CPQ: variants seen among roughly 807,000 people sequenced by gnomAD.
CPQ encodes Ser-Met dipeptidase.
Under a neutral mutation model 45.7 loss-of-function variants are expected in CPQ, and 37 were observed. That is an observed-to-expected ratio of 0.81 (90% confidence interval 0.62 to 1.07). The LOEUF (loss-of-function observed/expected upper bound fraction) is 1.07. Ranked by LOEUF, CPQ falls within the 50% of genes least tolerant of loss-of-function variation. The pLI, the probability that CPQ is intolerant of heterozygous loss-of-function variation, is 0.00. For synonymous variants in CPQ, 186 were observed against 205.8 expected (o/e 0.90, Z 0.82); for missense variants, 537 against 572.9 (o/e 0.94, Z 0.64).
chr8:96,734,205 A>T (rs1192292096), intron 1 of CPQ, among the ~76,000 whole-genome samples: 1 of 152,176 alleles, frequency 6.6e-6, no homozygotes, highest in African/African-American at 2.4e-5. Context: ...TCTTTCACTA[A>T]GTCCTTTCAG....
At chr8:96,894,231 G>C (rs1018455888) in intron 4 of CPQ, among the ~76,000 whole-genome samples, 2 of 152,166 alleles carry the variant, frequency 1.3e-5, no homozygotes, top group Admixed American at 6.5e-5. Flanking sequence ...CCCTAAGCCA[G>C]AACCACCCAG....
At chr8:96,730,895 AT>A (rs34672701) in intron 1 of CPQ, among the ~76,000 whole-genome samples, 26,441 of 119,798 alleles carry the variant, frequency 0.22, 3,886 homozygotes, top group Non-Finnish European at 0.31. Flanking sequence ...ATATATATGC[AT>A]TTTTTTTTAA....
chr8:96,926,840 C>T (rs556726035), intron 4 of CPQ, among the ~76,000 whole-genome samples: 8 of 152,106 alleles, frequency 5.3e-5, no homozygotes, highest in Non-Finnish European at 1.2e-4. Context: ...CCCCAAGCCC[C>T]GGAGAGGCCC....
At chr8:97,122,922 TAAAA>T (rs1811737615) in intron 7 of CPQ, among the ~76,000 whole-genome samples, 15 of 52,776 alleles carry the variant, frequency 2.8e-4, no homozygotes, top group South Asian at 4.9e-4. Flanking sequence ...TAAAATAAAA[TAAAA>T]TAAATAAAAT....
intron 4 of CPQ, among the ~76,000 whole-genome samples, chr8:96,940,890 T>C (rs1813116509): frequency 6.6e-6 from 1 of 152,152 alleles, no homozygotes; most frequent in South Asian, 2.1e-4. Flanking sequence ...TATCAATTAA[T>C]TATACTTAAA....
Position 97,066,047 on chromosome 8 carries a change from C to G in CPQ, c.1092C>G (p.Asp364Glu). The G allele has an allele frequency of 6.2e-7, 1 of 1,611,270 alleles. No homozygotes were observed. The highest frequency in any genetic ancestry group is 8.5e-7 in the Non-Finnish European group (1 of 1,179,266). ...ISNYSLVMESDAGTFLPTGLQ... is the reference protein window; with the variant it reads ...ISNYSLVMESEAGTFLPTGLQ... ...ACTACAGTCTGGTGATGGAGTCTGACGCAGGAACCTTCTTACCCACTGGGC... is the reference window on the plus strand; with the variant it reads ...ACTACAGTCTGGTGATGGAGTCTGAGGCAGGAACCTTCTTACCCACTGGGC... The change falls in exon 7 of 8, where the codon GAC (aspartate) becomes GAG (glutamate). Residue 364 changes from aspartate to glutamate, a missense_variant. By Grantham distance (45) the Asp-to-Glu change is conservative. Coordinates refer to ENST00000220763, the MANE Select transcript of CPQ (RefSeq NM_016134.4).
chr8:96,954,618 T>C (rs1201274267), intron 4 of CPQ, among the ~76,000 whole-genome samples: 1 of 152,170 alleles, frequency 6.6e-6, no homozygotes, highest in Non-Finnish European at 1.5e-5. Context: ...TATTATACTT[T>C]AAGTTTTAGG....
intron 4 of CPQ, among the ~76,000 whole-genome samples, chr8:96,930,989 G>T (rs1812966271): frequency 6.6e-6 from 1 of 152,186 alleles, no homozygotes; most frequent in African/African-American, 2.4e-5. Context: ...AAAACAGAGG[G>T]TTGGGAGGAA....
At chr8:96,726,502 T>C (rs374473172) in intron 1 of CPQ, among the ~76,000 whole-genome samples, 117 of 152,042 alleles carry the variant, frequency 7.7e-4, no homozygotes, top group African/African-American at 2.7e-3. Flanking sequence ...ACAATCATAG[T>C]GGAAGGCAAA....
intron 1 of CPQ, among the ~76,000 whole-genome samples, chr8:96,713,919 A>G (rs914184651): frequency 2.0e-5 from 3 of 152,220 alleles, no homozygotes; most frequent in Non-Finnish European, 2.9e-5. Context: ...GCTGGATACA[A>G]AATTCTTGGT....
At chr8:97,013,442 A>C (rs573352247) in intron 5 of CPQ, among the ~76,000 whole-genome samples, 2 of 152,326 alleles carry the variant, frequency 1.3e-5, no homozygotes, top group Admixed American at 1.3e-4. Flanking sequence ...AAATACGTAT[A>C]GGGCTCCTTG....
At chr8:97,095,300 T>C (rs1434306724) in intron 7 of CPQ, among the ~76,000 whole-genome samples, 1 of 152,208 alleles carries the variant, frequency 6.6e-6, no homozygotes, top group Admixed American at 6.5e-5. Flanking sequence ...TCTCTAGGAA[T>C]AGAAATTATC....
chr8:96,708,426 TG>T (rs1809561629), intron 1 of CPQ, among the ~76,000 whole-genome samples: 1 of 82,718 alleles, frequency 1.2e-5, no homozygotes, highest in African/African-American at 3.4e-5. Context: ...CATATGTGTG[TG>T]TGTGTGTGTG....
rs892085520 is a variant in CPQ, at chr8:96,938,797, G to A, written c.850-27138G>A. ...GCCAGAGAGCTGAGTGGAGAAAGGT[G>A]GAGAGTGGATCAGAGGGGCAAACAG... On this transcript the variant is annotated intron_variant, in intron 4 of 7. Transcript: ENST00000220763. Among the ~76,000 whole-genome samples the A allele has an allele frequency of 4.6e-5, 7 of 152,142 alleles. No homozygotes were observed. The South Asian group carries it at 1.2e-3, about 27-fold the overall frequency.
At chr8:96,762,624 C>A (rs1810418818) in intron 1 of CPQ, among the ~76,000 whole-genome samples, 2 of 152,230 alleles carry the variant, frequency 1.3e-5, no homozygotes, top group African/African-American at 4.8e-5. Flanking sequence ...GCTCTCTGCC[C>A]CACTTCCCAA....
At chr8:96,970,708 C>T (rs111515964) in intron 5 of CPQ, among the ~76,000 whole-genome samples, 4,207 of 152,110 alleles carry the variant, frequency 0.028, 197 homozygotes, top group African/African-American at 0.095. Flanking sequence ...GGACTACAGG[C>T]GCCCGCTACC....
chr8:97,103,304 C>A (rs1811348535), intron 7 of CPQ, among the ~76,000 whole-genome samples: 1 of 152,206 alleles, frequency 6.6e-6, no homozygotes, highest in South Asian at 2.1e-4. Flanking sequence ...TATTCAACAT[C>A]ATTGAGACAG....
chr8:97,065,227 C>T (rs982486045), intron 6 of CPQ, among the ~76,000 whole-genome samples: 5 of 152,056 alleles, frequency 3.3e-5, no homozygotes, highest in Non-Finnish European at 7.4e-5. Context: ...TGCAAGTTTT[C>T]GGGCTGGGTA....
intron 5 of CPQ, among the ~76,000 whole-genome samples, chr8:96,971,717 T>G (rs1813682836): frequency 6.6e-6 from 1 of 152,170 alleles, no homozygotes; most frequent in South Asian, 2.1e-4. Context: ...AACATTAAAT[T>G]TTATTTTTAT....
Sources: allele counts gnomAD v4.1 joint callset (sites outside exome capture counted in the v4.1 genomes callset), GRCh38; gene constraint gnomAD v4.1.1; transcripts MANE v1.5; gene names NCBI Gene and HGNC (gene_info 2026-07-23, HGNC 2026-07-21).